TBCE: variants seen among roughly 807,000 people sequenced by gnomAD.
TBCE encodes the protein tubulin-specific chaperone E.
Under a neutral mutation model 77.0 loss-of-function variants are expected in TBCE, and 53 were observed. The ratio of observed to expected loss-of-function variants is 0.69; its 90% CI spans 0.55 to 0.87. The LOEUF (loss-of-function observed/expected upper bound fraction) is 0.87, where lower values mean the gene tolerates loss of function less well. Among genes scored for constraint, TBCE ranks in the 40% least tolerant of loss-of-function variants. The pLI is 0.00. For missense variants in TBCE, 624 were observed against 622.4 expected (o/e 1.00, Z -0.03); for synonymous variants, 235 against 241.3 (o/e 0.97, Z 0.24).
intron 2 of TBCE, among the ~76,000 whole-genome samples, chr1:235,380,826 T>G (rs1677590586): frequency 6.6e-6 from 1 of 152,106 alleles, no homozygotes; most frequent in African/African-American, 2.4e-5. Flanking sequence ...GCTCTTGTTA[T>G]TCAGGCTGGA....
rs1318460958 is a variant in TBCE at position 235,450,266 on chromosome 1, C to G, written c.*1504C>G. The G allele has an allele frequency of 1.2e-6, 2 of 1,613,964 alleles. No homozygotes were observed. The highest frequency in any genetic ancestry group is 2.7e-5 in the African/African-American group (2 of 74,936). On this transcript the variant is annotated 3_prime_UTR_variant, in exon 17 of 17. Transcript: ENST00000642610. ...GTTCCTTCAGTTTCCACAGTTCCGT[C>G]AGTTCCCACGGAGAATACTGAGGAG...
At chr1:235,399,081 G>A (rs1183381323) in intron 2 of TBCE, among the ~76,000 whole-genome samples, 1 of 151,970 alleles carries the variant, frequency 6.6e-6, no homozygotes, top group Non-Finnish European at 1.5e-5. Flanking sequence ...AGCCTTCTGG[G>A]TAGCTGGGAT....
rs140712438 is a variant in TBCE, at chr1:235,450,446, T to C, written c.*1684T>C. 9.2e-3 allele frequency: 12,498 copies of C among 1,355,660 alleles called. 85 individuals are homozygous for C. Among genetic ancestry groups the C allele is most frequent in the South Asian group, 0.013 (1,011 of 76,264 alleles). 84.0% of individuals were successfully genotyped at this position (1,355,660 alleles called of 1,614,324 possible). A position where few individuals can be genotyped will look rare whatever the true frequency, so the allele number is the denominator to read the frequency against. ...TTATGTATTCTAATGATGCTGAAAT[T>C]ATTTCAAGGATAACTCCGTGTGTGG... is the stretch of plus-strand genomic sequence containing the variant. On this transcript the variant is annotated 3_prime_UTR_variant, in exon 17 of 17. Transcript: ENST00000642610.
chr1:235,427,748 G>C (rs1660157987), intron 6 of TBCE, among the ~76,000 whole-genome samples: 1 of 152,072 alleles, frequency 6.6e-6, no homozygotes, highest in Admixed American at 6.6e-5. Context: ...CTGTGCATCT[G>C]GGCCGGGTGC....
At chr1:235,399,943 TC>T (rs779917954) in intron 2 of TBCE, among the ~76,000 whole-genome samples, 2 of 152,134 alleles carry the variant, frequency 1.3e-5, no homozygotes, top group Non-Finnish European at 2.9e-5. Context: ...TCTGTGCTGA[TC>T]GTTGTAGTGT....
chr1:235,440,213 A>T (rs570055830), intron 13 of TBCE, among the ~76,000 whole-genome samples: 13 of 151,860 alleles, frequency 8.6e-5, no homozygotes, highest in African/African-American at 2.9e-4. Context: ...CTTGTGATCC[A>T]CCCACCTTGG....
chr1:235,442,206 T>C (rs1681936619), intron 14 of TBCE, among the ~76,000 whole-genome samples: 2 of 152,092 alleles, frequency 1.3e-5, no homozygotes, highest in African/African-American at 4.8e-5. Flanking sequence ...GTTTTGCTCT[T>C]GTTGCCCAGA....
At chr1:235,369,455 C>G (rs567254426) in intron 1 of TBCE, among the ~76,000 whole-genome samples, 1 of 151,756 alleles carries the variant, frequency 6.6e-6, no homozygotes, top group Non-Finnish European at 1.5e-5. Context: ...TGCAGTGAGC[C>G]GAGATCGTGC....
intron 2 of TBCE, among the ~76,000 whole-genome samples, chr1:235,401,225 G>A (rs1679082915): frequency 6.6e-6 from 1 of 152,082 alleles, no homozygotes; most frequent in Non-Finnish European, 1.5e-5. Context: ...ATTTCTCTTA[G>A]TGTAATGTCC....
chr1:235,424,752 G>A (rs1054484037), intron 5 of TBCE, among the ~76,000 whole-genome samples: 6 of 151,702 alleles, frequency 4.0e-5, no homozygotes, highest in South Asian at 2.1e-4. Flanking sequence ...TGATCCGCCC[G>A]CCTCGGCCAC....
At chr1:235,372,922 T>TC (rs1677061783) in intron 1 of TBCE, among the ~76,000 whole-genome samples, 1 of 76,200 alleles carries the variant, frequency 1.3e-5, no homozygotes, top group South Asian at 4.0e-4. Flanking sequence ...AGACTCCGTC[T>TC]AAAAAAAAAA....
intron 3 of TBCE, among the ~76,000 whole-genome samples, chr1:235,412,133 CT>C (rs1558370483): frequency 2.5e-5 from 1 of 40,216 alleles, no homozygotes; most frequent in East Asian, 7.1e-4. Flanking sequence ...CCTTTCCCTT[CT>C]CCTCCCCTTC....
chr1:235,390,478 G>A (rs1473688065), intron 2 of TBCE, among the ~76,000 whole-genome samples: 4 of 152,136 alleles, frequency 2.6e-5, no homozygotes, highest in Non-Finnish European at 5.9e-5. Flanking sequence ...TAGGCTAGAC[G>A]CAGTGGCTCA....
At chr1:235,407,049 G>C (rs61836197) in intron 3 of TBCE, among the ~76,000 whole-genome samples, 1 of 150,414 alleles carries the variant, frequency 6.6e-6, no homozygotes, top group East Asian at 2.0e-4. Flanking sequence ...GGCTGGTCTC[G>C]AACTCCCGAC....
At chr1:235,389,609 G>A (rs149485500) in intron 2 of TBCE, among the ~76,000 whole-genome samples, 3 of 152,188 alleles carry the variant, frequency 2.0e-5, no homozygotes, top group Admixed American at 6.6e-5. Context: ...GGGATTACAG[G>A]TGTGAGCCAC....
intron 2 of TBCE, among the ~76,000 whole-genome samples, chr1:235,380,675 A>G (rs1203812048): frequency 1.3e-5 from 2 of 151,996 alleles, no homozygotes; most frequent in Non-Finnish European, 2.9e-5. Flanking sequence ...CATTTAGTAT[A>G]ATATATAGTT....
chr1:235,413,866 T>A (rs1364589170), intron 3 of TBCE: 3 of 144,906 alleles, frequency 2.1e-5, no homozygotes, highest in African/African-American at 7.7e-5. Flanking sequence ...TTTTTTTTTT[T>A]TTTTTTTAGA....
Position 235,368,960 on chromosome 1 carries a change from T to C in TBCE, c.-32+1456T>C, listed in dbSNP as rs540968122. ...TGAAAATCTTTGGTATCATCCCTGA[T>C]TAATCTCTTCCATATATATCAGCAA... is the stretch of plus-strand genomic sequence containing the variant. On this transcript the variant is annotated intron_variant, in intron 1 of 16. Transcript: ENST00000642610. 2.2e-4 allele frequency among the ~76,000 whole-genome samples: 34 copies of C among 152,280 alleles called. 1 individual carries two copies. The highest frequency in any genetic ancestry group is 7.9e-4 in the African/African-American group (33 of 41,564).
intron 1 of TBCE, 87 bp from the exon 2 acceptor site, chr1:235,379,932 A>G (rs534571407): frequency 1.3e-6 from 1 of 784,724 alleles, no homozygotes. Context: ...TGGGCGACAG[A>G]GCAAGACTGT....
Sources: gnomAD v4.1 joint callset for allele counts (sites outside exome capture counted in the v4.1 genomes callset) on GRCh38, gnomAD v4.1.1 for gene constraint, MANE v1.5 for transcripts, NCBI Gene and HGNC (gene_info 2026-07-23, HGNC 2026-07-21) for gene names.